Variants in ADAMTSL1 observed in about 807,000 individuals in gnomAD.
ADAMTSL1 encodes ADAMTS-like protein 1.
A neutral mutation model predicts 201.8 loss-of-function variants in ADAMTSL1; 126 were observed. The ratio of observed to expected loss-of-function variants is 0.62; its 90% confidence interval spans 0.54 to 0.72. The LOEUF (loss-of-function observed/expected upper bound fraction) is 0.72. Ranked by LOEUF, ADAMTSL1 falls within the 30% of genes least tolerant of loss-of-function variation. The pLI is 0.00. For missense variants in ADAMTSL1, 2,679 were observed against 2,277.8 expected (o/e 1.18, Z -3.59); for synonymous variants, 1,121 against 903.4 (o/e 1.24, Z -4.32).
intron 19 of ADAMTSL1, among the ~76,000 whole-genome samples, chr9:18,792,420 G>A (rs887151980): frequency 6.6e-6 from 1 of 152,168 alleles, no homozygotes; most frequent in African/African-American, 2.4e-5. Flanking sequence ...ACAAAGTTCA[G>A]AAGAACTATC....
intron 16 of ADAMTSL1, among the ~76,000 whole-genome samples, chr9:18,757,160 T>C (rs1223859352): frequency 6.6e-6 from 1 of 152,236 alleles, no homozygotes; most frequent in Non-Finnish European, 1.5e-5. Context: ...GTGGGAAGGA[T>C]TCATTTCATA....
At chr9:18,903,041 C>G (rs1003968409) in intron 26 of ADAMTSL1, among the ~76,000 whole-genome samples, 30 of 152,202 alleles carry the variant, frequency 2.0e-4, no homozygotes, top group African/African-American at 6.7e-4. Context: ...CCCATCTCTA[C>G]TAAAAATACA....
At chr9:17,988,639 C>T (rs1023542911) in intron 1 of ADAMTSL1, among the ~76,000 whole-genome samples, 3 of 151,454 alleles carry the variant, frequency 2.0e-5, no homozygotes, top group African/African-American at 7.3e-5. Context: ...CTGACTTCAC[C>T]TGCCAAAGGG....
chr9:18,061,473 C>G (rs921621023), intron 1 of ADAMTSL1, among the ~76,000 whole-genome samples: 6 of 152,128 alleles, frequency 3.9e-5, no homozygotes, highest in African/African-American at 1.4e-4. Flanking sequence ...GAAGATCAAA[C>G]AGGGATAATA....
intron 2 of ADAMTSL1, among the ~76,000 whole-genome samples, chr9:18,281,264 G>A (rs1832776471): frequency 6.6e-6 from 1 of 152,086 alleles, no homozygotes; most frequent in African/African-American, 2.4e-5. Context: ...ATGGGAAGGG[G>A]AGAAGGGAAA....
chr9:18,063,303 C>T (rs139609341), intron 1 of ADAMTSL1, among the ~76,000 whole-genome samples: 17 of 152,334 alleles, frequency 1.1e-4, no homozygotes, highest in African/African-American at 4.1e-4. Context: ...GAGCTATGCT[C>T]ATGCCACTGA....
intron 4 of ADAMTSL1, among the ~76,000 whole-genome samples, chr9:18,578,282 C>A (rs1194278988): frequency 1.3e-5 from 2 of 152,118 alleles, no homozygotes; most frequent in African/African-American, 4.8e-5. Flanking sequence ...AATGAATATA[C>A]CTTTTCAAAC....
At chr9:18,654,473 T>G (rs1828496922) in intron 7 of ADAMTSL1, among the ~76,000 whole-genome samples, 1 of 152,214 alleles carries the variant, frequency 6.6e-6, no homozygotes, top group South Asian at 2.1e-4. Flanking sequence ...AGCCATTGTT[T>G]GGATACCTAC....
At chr9:18,480,834 G>A (rs1427356170) in intron 1 of ADAMTSL1, among the ~76,000 whole-genome samples, 3 of 152,114 alleles carry the variant, frequency 2.0e-5, no homozygotes, top group Non-Finnish European at 4.4e-5. Flanking sequence ...AGGGAAAATA[G>A]GAAAATGGGT....
At chr9:18,097,692 A>G (rs1160388446) in intron 1 of ADAMTSL1, among the ~76,000 whole-genome samples, 1 of 152,148 alleles carries the variant, frequency 6.6e-6, no homozygotes, top group Admixed American at 6.6e-5. Flanking sequence ...AATAATGTTG[A>G]GCATCTTTGT....
intron 2 of ADAMTSL1, among the ~76,000 whole-genome samples, chr9:18,282,251 T>G (rs1832819052): frequency 6.6e-6 from 1 of 152,214 alleles, no homozygotes; most frequent in South Asian, 2.1e-4. Context: ...ATTTCATTCT[T>G]TTTATGGCTG....
intron 16 of ADAMTSL1, among the ~76,000 whole-genome samples, chr9:18,761,686 C>G (rs1233545009): frequency 6.6e-6 from 1 of 152,098 alleles, no homozygotes; most frequent in Non-Finnish European, 1.5e-5. Flanking sequence ...TTGGCCTCAC[C>G]GGGTCATCTT....
chr9:18,524,703 TG>T (rs1818922224), intron 2 of ADAMTSL1, among the ~76,000 whole-genome samples: 1 of 152,194 alleles, frequency 6.6e-6, no homozygotes, highest in South Asian at 2.1e-4. Context: ...GATAATCATG[TG>T]GTTTTTGTCT....
At chr9:18,186,920 C>T (rs755378578) in intron 2 of ADAMTSL1, among the ~76,000 whole-genome samples, 1 of 151,958 alleles carries the variant, frequency 6.6e-6, no homozygotes, top group East Asian at 1.9e-4. Flanking sequence ...TGGGTTTGTC[C>T]AGTACCCCAT....
At chr9:18,559,484 A>G (rs1047811315) in intron 3 of ADAMTSL1, among the ~76,000 whole-genome samples, 28 of 152,152 alleles carry the variant, frequency 1.8e-4, no homozygotes, top group African/African-American at 6.3e-4. Flanking sequence ...TTTCTTGGCT[A>G]TATGAGCTCT....
At chr9:18,802,127 CA>C (rs1822840982) in intron 20 of ADAMTSL1, among the ~76,000 whole-genome samples, 1 of 151,958 alleles carries the variant, frequency 6.6e-6, no homozygotes, top group African/African-American at 2.4e-5. Context: ...AAATAAAAAT[CA>C]ACACAGGTGT....
At chr9:18,271,649 T>C (rs1312845711) in intron 2 of ADAMTSL1, among the ~76,000 whole-genome samples, 1 of 152,190 alleles carries the variant, frequency 6.6e-6, no homozygotes, top group Admixed American at 6.5e-5. Context: ...TGTGCATGTG[T>C]GTTTATAGCA....
At chr9:18,482,890 A>G (rs992370025) in intron 1 of ADAMTSL1, among the ~76,000 whole-genome samples, 7 of 152,308 alleles carry the variant, frequency 4.6e-5, no homozygotes, top group African/African-American at 1.7e-4. Flanking sequence ...TGTTATAACC[A>G]TTTGTCACTG....
chr9:18,784,319 T>G (rs1821576548), intron 19 of ADAMTSL1, among the ~76,000 whole-genome samples: 1 of 152,216 alleles, frequency 6.6e-6, no homozygotes, highest in Admixed American at 6.5e-5. Flanking sequence ...GGGCCTATAT[T>G]TAAGAATGTG....
Sources: allele counts gnomAD v4.1 joint callset (sites outside exome capture counted in the v4.1 genomes callset), GRCh38; gene constraint gnomAD v4.1.1; transcripts MANE v1.5; gene names NCBI Gene and HGNC (gene_info 2026-07-23, HGNC 2026-07-21).